Variants in DRC8 observed in about 807,000 individuals in gnomAD.
The protein encoded by DRC8 is dynein regulatory complex protein 8.
At chr1:245,104,415 A>G in the DRC8 span, among the ~76,000 whole-genome samples, 1 of 152,002 alleles carries the variant, frequency 6.6e-6, no homozygotes, top group African/African-American at 2.4e-5. Context: ...GAGGCAGGAG[A>G]ATCACTTGAA....
chr1:245,063,073 A>T, the DRC8 span, among the ~76,000 whole-genome samples: 1 of 152,204 alleles, frequency 6.6e-6, no homozygotes, highest in South Asian at 2.1e-4. Context: ...TGAGCAGTGC[A>T]TCTGAGCCCT....
chr1:245,082,262 A>G, the DRC8 span: 1 of 1,071,012 alleles, frequency 9.3e-7, no homozygotes, highest in Non-Finnish European at 1.4e-6. Context: ...TGTTATACTC[A>G]AGCAGTGTGT....
the DRC8 span, among the ~76,000 whole-genome samples, chr1:245,096,882 T>C: frequency 6.6e-6 from 1 of 152,160 alleles, no homozygotes; most frequent in African/African-American, 2.4e-5. Context: ...GATGTGTCTG[T>C]CCTCTGTTGC....
chr1:245,116,522 C>T, the DRC8 span, among the ~76,000 whole-genome samples: 3 of 152,140 alleles, frequency 2.0e-5, no homozygotes, highest in East Asian at 1.9e-4. Flanking sequence ...GAGCACAAAG[C>T]CCCAAGAGCT....
chr1:244,970,392 C>G, the DRC8 span: 29 of 1,537,788 alleles, frequency 1.9e-5, no homozygotes, highest in Non-Finnish European at 2.5e-5. Context: ...CGTTAGGCAT[C>G]TCCCAGGCGA....
the DRC8 span, among the ~76,000 whole-genome samples, chr1:244,985,692 C>T: frequency 6.6e-6 from 1 of 151,812 alleles, no homozygotes; most frequent in Non-Finnish European, 1.5e-5. Context: ...GGTGAAACCC[C>T]CGTCTCTACT....
At chr1:245,123,257 G>C in the DRC8 span, 1 of 152,188 alleles carries the variant, frequency 6.6e-6, no homozygotes, top group Middle Eastern at 3.2e-3. This position sits in a 1 kb window ranked among gnomAD's most constrained non-coding sequence, Gnocchi z 5.0. Flanking sequence ...AGCCGGACAA[G>C]AAAAAGGGCA....
the DRC8 span, chr1:245,059,310 C>A: frequency 1.0e-6 from 1 of 990,280 alleles, no homozygotes; most frequent in Non-Finnish European, 1.6e-6. Flanking sequence ...ACAAAATATG[C>A]TCTGAGATAA....
At chr1:245,001,887 T>C in the DRC8 span, among the ~76,000 whole-genome samples, 1 of 152,274 alleles carries the variant, frequency 6.6e-6, no homozygotes, top group African/African-American at 2.4e-5. Context: ...GAAATAGTTA[T>C]ACTCAATGTT....
At chr1:245,106,169 G>T in the DRC8 span, among the ~76,000 whole-genome samples, 4 of 152,250 alleles carry the variant, frequency 2.6e-5, no homozygotes, top group African/African-American at 9.6e-5. Context: ...CCTCCCTTTG[G>T]CTTGTGTGCT....
the DRC8 span, among the ~76,000 whole-genome samples, chr1:244,982,110 C>G: frequency 6.6e-6 from 1 of 152,148 alleles, no homozygotes; most frequent in African/African-American, 2.4e-5. Context: ...AGGACAAGTT[C>G]TTAGGGAAGC....
the DRC8 span, among the ~76,000 whole-genome samples, chr1:245,091,979 C>T: frequency 2.0e-5 from 3 of 152,338 alleles, no homozygotes; most frequent in Admixed American, 6.5e-5. Context: ...CCATACCCCA[C>T]AGCTTGGCCG....
the DRC8 span, among the ~76,000 whole-genome samples, chr1:245,060,895 G>A: frequency 6.6e-6 from 1 of 152,222 alleles, no homozygotes; most frequent in African/African-American, 2.4e-5. Context: ...TGTAAATAAA[G>A]TTTCACTGAA....
chr1:245,002,664 G>A, the DRC8 span, among the ~76,000 whole-genome samples: 1 of 151,690 alleles, frequency 6.6e-6, no homozygotes, highest in South Asian at 2.1e-4. Context: ...GACTACAGGT[G>A]CACACCAGCA....
chr1:245,031,605 T>G, the DRC8 span, among the ~76,000 whole-genome samples: 237 of 152,310 alleles, frequency 1.6e-3, 1 homozygote, highest in African/African-American at 5.1e-3. Flanking sequence ...GGATTTTATG[T>G]GAGCCGTCTC....
At chr1:245,046,778 G>A in the DRC8 span, among the ~76,000 whole-genome samples, 3 of 152,088 alleles carry the variant, frequency 2.0e-5, no homozygotes, top group East Asian at 1.9e-4. Flanking sequence ...AGAGGAAAGG[G>A]CGATTAATAT....
chr1:245,022,990 G>A, the DRC8 span: 3 of 152,136 alleles, frequency 2.0e-5, no homozygotes, highest in African/African-American at 7.2e-5. Context: ...TATATCAATG[G>A]AAGAGTACAA....
chr1:245,006,421 C>A, the DRC8 span, among the ~76,000 whole-genome samples: 7 of 152,096 alleles, frequency 4.6e-5, no homozygotes, highest in Non-Finnish European at 1.0e-4. Context: ...AAGTGATCCT[C>A]CTGCCTCAGC....
At chr1:245,035,690 A>C in the DRC8 span, among the ~76,000 whole-genome samples, 1 of 141,194 alleles carries the variant, frequency 7.1e-6, no homozygotes, top group Non-Finnish European at 1.6e-5. Context: ...AACGTGGTGA[A>C]ACCCCATTTC....
Sources: gnomAD v4.1 joint callset for allele counts (sites outside exome capture counted in the v4.1 genomes callset) on GRCh38, gnomAD v4.1.1 for gene constraint, Gnocchi (gnomAD v3.1) non-coding constraint, MANE v1.5 for transcripts, NCBI Gene and HGNC (gene_info 2026-07-23, HGNC 2026-07-21) for gene names.